Variants in POU1F1 observed in about 807,000 individuals in gnomAD.
POU1F1 encodes the protein pituitary-specific positive transcription factor 1.
POU1F1 carries 23 observed loss-of-function variants against 32.3 expected under a neutral mutation model. The ratio of observed to expected loss-of-function variants is 0.71; its 90% confidence interval spans 0.51 to 1.01. The LOEUF is 1.01. Ranked by LOEUF, POU1F1 falls within the 50% of genes least tolerant of loss-of-function variation. The probability of loss-of-function intolerance (pLI) is 0.00; values close to 1 mark genes in which losing one functional copy is unlikely to be tolerated. For synonymous variants in POU1F1, 120 were observed against 115.6 expected (o/e 1.04, Z -0.25); for missense variants, 323 against 341.6 (o/e 0.95, Z 0.43).
At chr3:87,265,315 T>A (rs1326517011) in intron 2 of POU1F1, among the ~76,000 whole-genome samples, 1 of 152,074 alleles carries the variant, frequency 6.6e-6, no homozygotes, top group Non-Finnish European at 1.5e-5. Flanking sequence ...TGATAAGTGA[T>A]TACCGATAAA....
At chr3:87,267,963 GA>G (rs1188725758) in intron 2 of POU1F1, among the ~76,000 whole-genome samples, 1 of 151,458 alleles carries the variant, frequency 6.6e-6, no homozygotes, top group Non-Finnish European at 1.5e-5. Context: ...TGGACACGCA[GA>G]AAACAAATTT....
Position 87,259,735 on chromosome 3 carries a change from ATTG to A in POU1F1, c.*156_*158del, listed in dbSNP as rs1313701778. On this transcript the variant is annotated 3_prime_UTR_variant, in exon 6 of 6. Coordinates refer to ENST00000350375, the MANE Select transcript of POU1F1 (RefSeq NM_000306.4). ...AGTAAATAACATCAATATAATTTAA[ATTG>A]TTGGTTTCTTTTTTTTAAAAAAAAG... 4.6e-6 allele frequency: 3 copies of A among 651,870 alleles called. No individual in the cohort carries two copies. The highest frequency in any genetic ancestry group is 2.9e-5 in the Admixed American group (1 of 34,000). 40.4% of individuals were successfully genotyped at this position (651,870 alleles called of 1,614,324 possible).
chr3:87,262,246 A>G lies in POU1F1; in HGVS notation c.440-11T>C, dbSNP rs756748819. 4.3e-6 allele frequency: 7 copies of G among 1,613,766 alleles called. No individual in the cohort carries two copies. In the Admixed American group the frequency reaches 8.3e-5, roughly 19 times the overall value. The stretch of plus-strand genomic sequence containing the variant: ...TTGTCTGGGTGTATCCTGTGAAGGG[A>G]CAATAAAGACCATCAGCTCCAACTT... On this transcript the variant is annotated splice_polypyrimidine_tract_variant and intron_variant, in intron 3 of 5. Transcript: ENST00000350375.
rs529641272 is a variant in POU1F1, at chr3:87,262,649, A to T, written c.440-414T>A. ...TGCATAAAATATACGGTTATATATC[A>T]TAACATTCTTATTTCAACTCTAAAA... On this transcript the variant is annotated intron_variant, in intron 3 of 5. Transcript: ENST00000350375. 2.9e-3 allele frequency among the ~76,000 whole-genome samples: 446 copies of T among 152,240 alleles called. 3 individuals carry two copies. Among genetic ancestry groups the T allele is most frequent in the African/African-American group, 0.01 (428 of 41,570 alleles).
Position 87,260,865 on chromosome 3 carries a change from ATTTTTTTTTTATTTAT to A in POU1F1, c.665+392_665+407del, listed in dbSNP as rs769976580. Among the ~76,000 whole-genome samples, 221 of 45,392 alleles carry A rather than the reference ATTTTTTTTTTATTTAT, an allele frequency of 4.9e-3. 5 individuals are homozygous for A. The highest frequency in any genetic ancestry group is 0.016 in the African/African-American group (200 of 12,224). The allele number at this position is 45,392 out of a possible 152,430, so 29.8% of individuals were successfully genotyped here. A position where few individuals can be genotyped will look rare whatever the true frequency, so the allele number is the denominator to read the frequency against. ...AAAATTAAGTTATTACATTATTATT[ATTTTTTTTTTATTTAT>A]TTATTTATTTATTTATTTATTTATT... On this transcript the variant is annotated intron_variant, in intron 5 of 5. Transcript: ENST00000350375.
intron 2 of POU1F1, among the ~76,000 whole-genome samples, chr3:87,269,301 C>T (rs1228177518): frequency 6.6e-6 from 1 of 152,088 alleles, no homozygotes; most frequent in African/African-American, 2.4e-5. Context: ...TTTCCTACTA[C>T]AATGACAGGT....
intron 5 of POU1F1, among the ~76,000 whole-genome samples, chr3:87,260,831 C>A (rs1228967659): frequency 6.6e-6 from 1 of 151,290 alleles, no homozygotes; most frequent in Non-Finnish European, 1.5e-5. Flanking sequence ...TATTAGCTCT[C>A]CATTTCTCAA....
At chr3:87,272,078 G>A (rs143722113) in intron 2 of POU1F1, among the ~76,000 whole-genome samples, 31 of 149,370 alleles carry the variant, frequency 2.1e-4, no homozygotes, top group African/African-American at 5.2e-4. Flanking sequence ...ATTTGTCTGC[G>A]GTTTTTTTTT....
intron 1 of POU1F1, 74 bp downstream of exon 1, chr3:87,276,247 A>G: frequency 6.6e-7 from 1 of 1,523,206 alleles, no homozygotes; most frequent in Non-Finnish European, 9.1e-7. Flanking sequence ...GAGATTATTA[A>G]CTATCAAGAT....
chr3:87,271,887 A>G (rs1397046670), intron 2 of POU1F1, among the ~76,000 whole-genome samples: 1 of 152,156 alleles, frequency 6.6e-6, no homozygotes, highest in Non-Finnish European at 1.5e-5. Context: ...ATACTGGTTT[A>G]TTCAGAATGT....
At position 87,259,815 on chromosome 3, in the gene POU1F1, A is replaced by C; in HGVS notation, c.*79T>G. The C allele has an allele frequency of 8.1e-7, 1 of 1,241,814 alleles. No individual in the cohort carries two copies. Among genetic ancestry groups the C allele is most frequent in the Non-Finnish European group, 1.2e-6 (1 of 859,258 alleles). 76.9% of individuals were successfully genotyped at this position (1,241,814 alleles called of 1,614,324 possible). A position where few individuals can be genotyped will look rare whatever the true frequency, so the allele number is the denominator to read the frequency against. ...TATTGATATAAAATGATTTTAAGTC[A>C]ACCAAGTAATTTCTGTTTTTGTTGA... On this transcript the variant is annotated 3_prime_UTR_variant, in exon 6 of 6. Transcript: ENST00000350375.
At chr3:87,260,922 T>G (rs1706501182) in intron 5 of POU1F1, among the ~76,000 whole-genome samples, 1 of 144,120 alleles carries the variant, frequency 6.9e-6, no homozygotes, top group African/African-American at 2.6e-5. Flanking sequence ...ATTTATTTAT[T>G]TATTTTGAGA....
chr3:87,263,958 T>C (rs1019851107), intron 3 of POU1F1, among the ~76,000 whole-genome samples: 1 of 152,102 alleles, frequency 6.6e-6, no homozygotes, highest in Admixed American at 6.6e-5. Context: ...GGGATACATG[T>C]CACTTATACT....
rs1217369973 is a variant in POU1F1, at chr3:87,260,133, A to G, written c.666-29T>C. 3 of 1,591,448 alleles carry G rather than the reference A, an allele frequency of 1.9e-6. No individual in the cohort carries two copies. The Admixed American group carries it at 5.2e-5, about 28-fold the overall frequency. The stretch of plus-strand genomic sequence containing the variant: ...GCGGGGGGTGGACATAGGGGGTGAA[A>G]TTTTGTTGTTTTTAGTGAAGTTTTT... On this transcript the variant is annotated intron_variant, in intron 5 of 5. Coordinates refer to ENST00000350375, the MANE Select transcript of POU1F1 (RefSeq NM_000306.4).
chr3:87,260,945 C>T (rs1464695107), intron 5 of POU1F1, among the ~76,000 whole-genome samples: 1 of 151,088 alleles, frequency 6.6e-6, no homozygotes, highest in African/African-American at 2.4e-5. Flanking sequence ...GTGTCTCGCT[C>T]TGTCGCCCAA....
At position 87,259,748 on chromosome 3, in the gene POU1F1, T is replaced by C. The variant is rs1706469396; in HGVS notation, c.*146A>G. On this transcript the variant is annotated 3_prime_UTR_variant, in exon 6 of 6. Coordinates refer to ENST00000350375, the MANE Select transcript of POU1F1 (RefSeq NM_000306.4). ...AATATAATTTAAATTGTTGGTTTCT[T>C]TTTTTTAAAAAAAAGTGGAAAAGTA... is the stretch of plus-strand genomic sequence containing the variant. 4 of 684,854 alleles carry C rather than the reference T, an allele frequency of 5.8e-6. No individual in the cohort carries two copies. In the Admixed American group the frequency reaches 1.2e-4, roughly 20 times the overall value. 42.4% of individuals were successfully genotyped at this position (684,854 alleles called of 1,614,324 possible). A position where few individuals can be genotyped will look rare whatever the true frequency, so the allele number is the denominator to read the frequency against.
intron 2 of POU1F1, among the ~76,000 whole-genome samples, chr3:87,269,112 T>C (rs1160386741): frequency 6.6e-6 from 1 of 152,176 alleles, no homozygotes; most frequent in Non-Finnish European, 1.5e-5. Context: ...AATATTTCCA[T>C]ATATTCCCCT....
chr3:87,268,084 C>CTTTTTT (rs11387958), intron 2 of POU1F1, among the ~76,000 whole-genome samples: 13 of 116,446 alleles, frequency 1.1e-4, no homozygotes, highest in African/African-American at 3.3e-4. Context: ...TTCCCTTTCC[C>CTTTTTT]TTTTTTTTTT....
intron 2 of POU1F1, among the ~76,000 whole-genome samples, chr3:87,269,397 A>G (rs1396871108): frequency 2.0e-5 from 3 of 152,154 alleles, no homozygotes; most frequent in Non-Finnish European, 4.4e-5. Flanking sequence ...CTAGTCTGGA[A>G]GTGAAAATAC....
Sources: gnomAD v4.1 joint callset for allele counts (sites outside exome capture counted in the v4.1 genomes callset) on GRCh38, gnomAD v4.1.1 for gene constraint, MANE v1.5 for transcripts, NCBI Gene and HGNC (gene_info 2026-07-23, HGNC 2026-07-21) for gene names.